INSC: variants seen among roughly 807,000 people sequenced by gnomAD.
The protein encoded by INSC is protein inscuteable homolog.
A neutral mutation model predicts 58.6 loss-of-function variants in INSC; 67 were observed. The ratio of observed to expected loss-of-function variants is 1.14; its 90% CI spans 0.94 to 1.40. The LOEUF is 1.40. Ranked by LOEUF, INSC falls within the 40% of genes most tolerant of loss-of-function variation. The probability of loss-of-function intolerance (pLI) is 0.00; values close to 1 mark genes in which losing one functional copy is unlikely to be tolerated. For synonymous variants in INSC, 262 were observed against 276.1 expected, an observed-to-expected ratio of 0.95 and a Z score of 0.51; for missense variants, 714 against 692.0, an observed-to-expected ratio of 1.03 and a Z score of -0.36.
downstream of INSC, among the ~76,000 whole-genome samples, chr11:15,247,998 CCA>C (rs1467366403): frequency 6.6e-6 from 1 of 152,076 alleles, no homozygotes; most frequent in African/African-American, 2.4e-5. Context: ...GTCTCAATAA[CCA>C]CAGTTTGTCA....
intron 10 of INSC, among the ~76,000 whole-genome samples, chr11:15,237,348 G>A (rs1852170342): frequency 1.3e-5 from 2 of 152,194 alleles, no homozygotes; most frequent in Non-Finnish European, 2.9e-5. Context: ...TGGCACTGTT[G>A]TTTACTAACC....
intron 7 of INSC, among the ~76,000 whole-genome samples, chr11:15,210,547 G>GTGTGTGTGTGTGT (rs1554921705): frequency 6.7e-6 from 1 of 148,662 alleles, no homozygotes; most frequent in Non-Finnish European, 1.5e-5. Context: ...GTGTGTGTGT[G>GTGTGTGTGTGTGT]GTGGAGTGGG....
At chr11:15,115,761 A>G (rs1250646349) in intron 1 of INSC, among the ~76,000 whole-genome samples, 1 of 152,212 alleles carries the variant, frequency 6.6e-6, no homozygotes, top group Non-Finnish European at 1.5e-5. Context: ...CATGTGCACC[A>G]GTCTTGCACA....
intron 1 of INSC, among the ~76,000 whole-genome samples, chr11:15,121,049 TTA>T (rs1265988430): frequency 9.5e-5 from 2 of 21,090 alleles, no homozygotes; most frequent in Non-Finnish European, 3.8e-4. Context: ...TATTGTTTTA[TTA>T]TATATATGAA....
intron 8 of INSC, among the ~76,000 whole-genome samples, chr11:15,222,808 G>A (rs1425367373): frequency 6.6e-6 from 1 of 152,158 alleles, no homozygotes; most frequent in Admixed American, 6.5e-5. Context: ...AAATCAATTT[G>A]CCAATGTCCA....
chr11:15,250,229 C>G (rs1451638992), downstream of INSC, among the ~76,000 whole-genome samples: 1 of 152,196 alleles, frequency 6.6e-6, no homozygotes, highest in Non-Finnish European at 1.5e-5. Context: ...AAAATCCTAG[C>G]TTTACCACTT....
intron 1 of INSC, among the ~76,000 whole-genome samples, chr11:15,117,084 G>C (rs1344257465): frequency 1.3e-5 from 2 of 150,814 alleles, no homozygotes; most frequent in Non-Finnish European, 2.9e-5. Flanking sequence ...TGGGATTATA[G>C]ACCCCCACCA....
At chr11:15,178,073 G>T (rs978309216) in intron 4 of INSC, among the ~76,000 whole-genome samples, 1 of 152,176 alleles carries the variant, frequency 6.6e-6, no homozygotes, top group African/African-American at 2.4e-5. Context: ...CAGAGGTATA[G>T]ATTTTCCACA....
rs1224609420 is a variant in INSC, at chr11:15,175,986, C to T, written c.302C>T (p.Ala101Val). 6.2e-7 allele frequency: 1 copy of T among 1,610,944 alleles called. No individual in the cohort carries two copies. Among genetic ancestry groups the T allele is most frequent in the African/African-American group, 1.3e-5 (1 of 74,864 alleles). The change falls in exon 3 of 13, where the codon GCA (alanine) becomes GTA (valine). Residue 101 changes from alanine to valine, a missense_variant. Transcript: ENST00000379556. ...CAGAAGCTGGCCCAGGACCGCTGGGCACGGGTGCACAGCATGAGCGTGCGT... is the reference window on the plus strand; with the variant it reads ...CAGAAGCTGGCCCAGGACCGCTGGGTACGGGTGCACAGCATGAGCGTGCGT... The part of the protein sequence containing the change: ...IGQKLAQDRW[A>V]RVHSMSVRLT...
intron 7 of INSC, among the ~76,000 whole-genome samples, chr11:15,215,811 C>G (rs1321181878): frequency 6.6e-6 from 1 of 152,130 alleles, no homozygotes; most frequent in Non-Finnish European, 1.5e-5. Context: ...ATGGGGAGAA[C>G]AGAGATGACC....
intron 1 of INSC, among the ~76,000 whole-genome samples, chr11:15,145,544 G>A (rs1398944111): frequency 1.3e-5 from 2 of 152,164 alleles, no homozygotes; most frequent in East Asian, 1.9e-4. Flanking sequence ...CTTTGCAGTA[G>A]GAGCTTCCCT....
chr11:15,174,719 TTTTAG>T (rs748218420), intron 2 of INSC, among the ~76,000 whole-genome samples: 21 of 152,220 alleles, frequency 1.4e-4, no homozygotes, highest in Non-Finnish European at 3.1e-4. Flanking sequence ...GTTATTGTCT[TTTTAG>T]TTTAGTTTTG....
intron 11 of INSC, 31 bp from the exon 12 acceptor site, chr11:15,240,416 G>C: frequency 6.3e-7 from 1 of 1,599,850 alleles, no homozygotes; most frequent in Non-Finnish European, 8.6e-7. Context: ...GCCCTGTCCT[G>C]GGCCTGAGGC....
chr11:15,260,717 G>A, the INSC span, among the ~76,000 whole-genome samples: 1 of 152,172 alleles, frequency 6.6e-6, no homozygotes, highest in Admixed American at 6.6e-5. Context: ...ACAAATAAAT[G>A]GAAGAATAGG....
At chr11:15,150,558 T>A (rs1848617663) in intron 2 of INSC, among the ~76,000 whole-genome samples, 1 of 152,200 alleles carries the variant, frequency 6.6e-6, no homozygotes, top group Non-Finnish European at 1.5e-5. Context: ...GGGTAAATCA[T>A]ATGGGTGAGG....
intron 12 of INSC, among the ~76,000 whole-genome samples, chr11:15,245,618 C>G (rs535541195): frequency 6.6e-6 from 1 of 152,256 alleles, no homozygotes; most frequent in African/African-American, 2.4e-5. Context: ...TAAGGTTACT[C>G]TAGGGATCTG....
intron 5 of INSC, among the ~76,000 whole-genome samples, chr11:15,185,710 G>A (rs886093774): frequency 6.6e-6 from 1 of 152,096 alleles, no homozygotes; most frequent in South Asian, 2.1e-4. Flanking sequence ...GATTATTCAT[G>A]TATTTTTAAG....
chr11:15,176,188 A>G, intron 3 of INSC, 102 bp downstream of exon 3: 1 of 979,582 alleles, frequency 1.0e-6, no homozygotes, highest in East Asian at 2.7e-5. Flanking sequence ...TTTGCTCCAG[A>G]AGCCTTTCTC....
chr11:15,171,553 C>G (rs972308386), intron 2 of INSC, among the ~76,000 whole-genome samples: 1 of 152,152 alleles, frequency 6.6e-6, no homozygotes, highest in African/African-American at 2.4e-5. Flanking sequence ...TTGACAAGTC[C>G]AAACCCTACC....
Sources: gnomAD v4.1 joint callset for allele counts (sites outside exome capture counted in the v4.1 genomes callset) on GRCh38, gnomAD v4.1.1 for gene constraint, MANE v1.5 for transcripts, NCBI Gene and HGNC (gene_info 2026-07-23, HGNC 2026-07-21) for gene names.